SPTBN1: variants seen among roughly 807,000 people sequenced by gnomAD.
SPTBN1 encodes the protein spectrin beta, non-erythrocytic 1, also known as spectrin beta chain, non-erythrocytic 1.
SPTBN1 carries 32 observed loss-of-function variants against 266.4 expected under a neutral mutation model. The observed-to-expected ratio is 0.12, with a 90% CI of 0.09 to 0.16. The LOEUF (loss-of-function observed/expected upper bound fraction) is 0.16, where lower values mean the gene tolerates loss of function less well. Among genes scored for constraint, SPTBN1 ranks in the 10% least tolerant of loss-of-function variants. The probability of loss-of-function intolerance (pLI) is 1.00; values close to 1 mark genes in which losing one functional copy is unlikely to be tolerated. For missense variants in SPTBN1, 2,296 were observed against 3,067.1 expected, an observed-to-expected ratio of 0.75 and a Z score of 5.94; for synonymous variants, 1,336 against 1,162.2, an observed-to-expected ratio of 1.15 and a Z score of -3.04.
At chr2:54,522,786 G>C (rs754668620) in intron 1 of SPTBN1, among the ~76,000 whole-genome samples, 5 of 152,098 alleles carry the variant, frequency 3.3e-5, no homozygotes, top group Non-Finnish European at 5.9e-5. Context: ...ATTCGCAGGT[G>C]GGGGCAGGGC....
At chr2:54,642,085 A>G (rs1351713563) in intron 18 of SPTBN1, among the ~76,000 whole-genome samples, 1 of 152,212 alleles carries the variant, frequency 6.6e-6, no homozygotes, top group African/African-American at 2.4e-5. Context: ...TGGGCAAACA[A>G]AAAGCTCTTC....
intron 1 of SPTBN1, among the ~76,000 whole-genome samples, chr2:54,502,132 C>T (rs1351968610): frequency 6.6e-6 from 1 of 152,296 alleles, no homozygotes; most frequent in African/African-American, 2.4e-5. Context: ...TCCCCAAACA[C>T]ACTGGCCTTT....
intron 2 of SPTBN1, among the ~76,000 whole-genome samples, chr2:54,582,385 G>A (rs1674991006): frequency 6.6e-6 from 1 of 151,996 alleles, no homozygotes; most frequent in Non-Finnish European, 1.5e-5. Flanking sequence ...GCAGGGGAGA[G>A]AAGCACCCTC....
intron 17 of SPTBN1, among the ~76,000 whole-genome samples, chr2:54,636,033 G>A (rs1195885483): frequency 1.3e-5 from 2 of 152,174 alleles, no homozygotes; most frequent in East Asian, 1.9e-4. Context: ...TGTAAAAGCA[G>A]TAAATGTCTG....
chr2:54,621,336 C>T, intron 7 of SPTBN1, 64 bp from the exon 8 acceptor site: 2 of 1,245,444 alleles, frequency 1.6e-6, no homozygotes, highest in Admixed American at 1.8e-5. Flanking sequence ...TGCATTTGTT[C>T]CTGCTACCTG....
intron 1 of SPTBN1, among the ~76,000 whole-genome samples, chr2:54,500,885 A>G (rs1371186148): frequency 2.6e-5 from 4 of 152,204 alleles, no homozygotes; most frequent in African/African-American, 9.7e-5. Context: ...CTGAGCCAGC[A>G]TAATTAAATC....
At chr2:54,515,796 G>A (rs1670080116) in intron 1 of SPTBN1, 1 of 152,142 alleles carries the variant, frequency 6.6e-6, no homozygotes, top group Admixed American at 6.6e-5. Context: ...CAAAGCACTG[G>A]GATTACAGAT....
chr2:54,612,509 G>T (rs999890571), intron 4 of SPTBN1, among the ~76,000 whole-genome samples, 175 bp downstream of exon 4: 1 of 152,188 alleles, frequency 6.6e-6, no homozygotes, highest in African/African-American at 2.4e-5. Flanking sequence ...TCGTAGGCAC[G>T]TGGAAGCTAC....
At chr2:54,630,327 C>A (rs1276960226) in intron 15 of SPTBN1, among the ~76,000 whole-genome samples, 1 of 152,182 alleles carries the variant, frequency 6.6e-6, no homozygotes, top group Non-Finnish European at 1.5e-5. Context: ...TAAGATGACA[C>A]CTGTGCTATC....
At chr2:54,530,353 C>CTTTTTTTCTTTTTT (rs1671146006) in intron 2 of SPTBN1, among the ~76,000 whole-genome samples, 1 of 73,882 alleles carries the variant, frequency 1.4e-5, no homozygotes, top group Non-Finnish European at 2.4e-5. Context: ...TTGTAAAAAA[C>CTTTTTTTCTTTTTT]TTTTTTTTTT....
chr2:54,517,085 TTTC>T (rs1670150309), intron 1 of SPTBN1, among the ~76,000 whole-genome samples: 1 of 151,324 alleles, frequency 6.6e-6, no homozygotes. Flanking sequence ...AGTTTGAGTA[TTTC>T]TTATCCCACT....
intron 7 of SPTBN1, among the ~76,000 whole-genome samples, 156 bp from the exon 8 acceptor site, chr2:54,621,244 C>A (rs1007766865): frequency 6.6e-6 from 1 of 152,138 alleles, no homozygotes; most frequent in Admixed American, 6.5e-5. Flanking sequence ...CCCTCATTAT[C>A]CTTGTAATTA....
chr2:54,666,136 T>G (rs1396672045), intron 34 of SPTBN1, 48 bp downstream of exon 34: 10 of 1,557,978 alleles, frequency 6.4e-6, no homozygotes, highest in Non-Finnish European at 7.8e-6. Context: ...TTGCATTTAC[T>G]TCCACTCTGG....
At position 54,647,233 on chromosome 2, in the gene SPTBN1, G is replaced by A. The variant is rs1398186048; in HGVS notation, c.4969G>A (p.Ala1657Thr). 6 of 1,614,038 alleles carry A rather than the reference G, an allele frequency of 3.7e-6. No individual in the cohort carries two copies. The highest frequency in any genetic ancestry group is 1.3e-5 in the African/African-American group (1 of 75,050). Residue 1657 changes from alanine (A) to threonine (T), a missense_variant, in exon 24 of 36, where the codon GCC (alanine) becomes ACC (threonine). Physicochemically the swap from Ala to Thr is moderately conservative, Grantham distance 58 (BLOSUM62 0). This residue lies in a region of SPTBN1 where 644 missense variants were observed against 745.3 expected (regional missense o/e 0.86). Transcript: ENST00000356805. ...TVHQLSKTSR[A>T]LVADSHPESE... ...GCATCAGCTCTCCAAGACCAGCCGG[G>A]CCCTGGTGGCCGACAGCCATCCTGA...
intron 1 of SPTBN1, among the ~76,000 whole-genome samples, chr2:54,473,039 G>A (rs950853115): frequency 6.6e-6 from 1 of 152,156 alleles, no homozygotes; most frequent in African/African-American, 2.4e-5. Context: ...TAATTTCATA[G>A]CTCTGTAGCG....
Position 54,629,256 on chromosome 2 carries a change from G to C in SPTBN1, c.2122G>C (p.Glu708Gln). 1.2e-6 allele frequency: 2 copies of C among 1,614,020 alleles called. No individual in the cohort carries two copies. Among genetic ancestry groups the C allele is most frequent in the South Asian group, 1.1e-5 (1 of 91,088 alleles). ...GGAAGGCGAAGACATGATCGCGGAG[G>C]AGCACTTCGGGTCGGAGAAGATCCG... ...IKEGEDMIAE[E>Q]HFGSEKIRER... The change falls in exon 14 of 36, where the codon GAG becomes CAG. Residue 708 changes from glutamate (E) to glutamine (Q), a missense_variant. By Grantham distance (29) the Glu-to-Gln change is conservative. Around this residue, in one of 12 missense-constraint regions of SPTBN1, gnomAD observed 434 missense variants for 573.9 expected, o/e 0.76. Coordinates refer to ENST00000356805, the MANE Select transcript of SPTBN1 (RefSeq NM_003128.3).
intron 1 of SPTBN1, among the ~76,000 whole-genome samples, chr2:54,479,282 C>A (rs545091494): frequency 3.3e-5 from 5 of 152,290 alleles, no homozygotes; most frequent in South Asian, 4.1e-4. Context: ...CGCCTCCCCC[C>A]CAAGTTGGTT....
At chr2:54,530,352 A>AATTTTTT (rs1558810829) in intron 2 of SPTBN1, among the ~76,000 whole-genome samples, 3 of 60,740 alleles carry the variant, frequency 4.9e-5, no homozygotes, top group East Asian at 5.1e-4. Flanking sequence ...ATTGTAAAAA[A>AATTTTTT]CTTTTTTTTT....
intron 2 of SPTBN1, among the ~76,000 whole-genome samples, chr2:54,576,054 G>GTTTTTTTTTTTTTTTT (rs1674442017): frequency 4.9e-5 from 2 of 40,564 alleles, no homozygotes; most frequent in African/African-American, 1.0e-4. Flanking sequence ...CTCAGATCCA[G>GTTTTTTTTTTTTTTTT]CTTTTTTTTT....
Sources: allele counts gnomAD v4.1 joint callset (sites outside exome capture counted in the v4.1 genomes callset), GRCh38; gene constraint gnomAD v4.1.1; regional missense constraint gnomAD v4.1.1; transcripts MANE v1.5; gene names NCBI Gene and HGNC (gene_info 2026-07-23, HGNC 2026-07-21).